Variants in EPB41L4A observed in about 807,000 individuals in gnomAD.
EPB41L4A encodes band 4.1-like protein 4A.
Under a neutral mutation model 108.6 loss-of-function variants are expected in EPB41L4A, and 100 were observed. The observed-to-expected ratio is 0.92, with a 90% CI of 0.78 to 1.09. The LOEUF is 1.09. Ranked by LOEUF, EPB41L4A falls within the 50% of genes least tolerant of loss-of-function variation. EPB41L4A has a pLI of 0.00. For missense variants in EPB41L4A, 1,030 were observed against 842.7 expected (o/e 1.22, Z -2.75); for synonymous variants, 319 against 289.0 (o/e 1.10, Z -1.05).
At chr5:112,286,841 T>C (rs1403944632) in intron 2 of EPB41L4A, among the ~76,000 whole-genome samples, 1 of 151,664 alleles carries the variant, frequency 6.6e-6, no homozygotes, top group Non-Finnish European at 1.5e-5. Flanking sequence ...TTCACTTCTG[T>C]GCTTTGAAAT....
downstream of EPB41L4A, chr5:112,158,270 G>A (rs1422777110): frequency 6.2e-6 from 1 of 162,234 alleles, no homozygotes; most frequent in African/African-American, 2.4e-5. Flanking sequence ...AGGGGTAAAA[G>A]AGAGGAAATG....
At chr5:112,232,554 C>A (rs928265770) in intron 12 of EPB41L4A, among the ~76,000 whole-genome samples, 1 of 152,148 alleles carries the variant, frequency 6.6e-6, no homozygotes, top group Admixed American at 6.5e-5. Context: ...CTTAATTTGA[C>A]TTTAGAAGCA....
Position 112,278,543 on chromosome 5 carries a change from C to T in EPB41L4A, c.256+1729G>A, listed in dbSNP as rs570572103. Among the ~76,000 whole-genome samples the T allele has an allele frequency of 3.9e-5, 6 of 151,948 alleles. No homozygotes were observed. In the East Asian group the frequency reaches 5.8e-4, roughly 15 times the overall value. The stretch of plus-strand genomic sequence containing the variant: ...CTGGGATTACAGGCATAAGACACCA[C>T]GAGTCTTATGCAAATTTTTAATATT... On this transcript the variant is annotated intron_variant, in intron 3 of 22. Coordinates refer to ENST00000261486, the MANE Select transcript of EPB41L4A (RefSeq NM_022140.5).
chr5:112,268,507 C>T (rs1228307718), intron 4 of EPB41L4A, among the ~76,000 whole-genome samples: 1 of 152,074 alleles, frequency 6.6e-6, no homozygotes, highest in Non-Finnish European at 1.5e-5. Flanking sequence ...AATTTCTTTT[C>T]CTGAAGTGTA....
chr5:112,183,418 T>G (rs537051868), intron 18 of EPB41L4A: 5 of 152,870 alleles, frequency 3.3e-5, no homozygotes, highest in Admixed American at 2.6e-4. Context: ...CGTCTAAATC[T>G]TGATAATGCA....
intron 1 of EPB41L4A, among the ~76,000 whole-genome samples, chr5:112,401,505 G>T (rs1438490550): frequency 2.0e-5 from 3 of 152,128 alleles, no homozygotes; most frequent in African/African-American, 7.2e-5. Flanking sequence ...AAAAATACCA[G>T]AATCATGTGA....
chr5:112,385,506 T>G (rs1048867361), intron 1 of EPB41L4A, among the ~76,000 whole-genome samples: 6 of 106,402 alleles, frequency 5.6e-5, no homozygotes, highest in African/African-American at 8.5e-5. Flanking sequence ...CTGGTTATTT[T>G]CAAAAAAAAA....
At chr5:112,293,986 T>C (rs576892235) in intron 2 of EPB41L4A, among the ~76,000 whole-genome samples, 40 of 152,348 alleles carry the variant, frequency 2.6e-4, no homozygotes, top group Admixed American at 1.9e-3. Context: ...GGATCCACCA[T>C]CATACAGTTA....
upstream of EPB41L4A, chr5:112,419,375 A>G (rs1762940252): frequency 2.8e-6 from 1 of 360,042 alleles, no homozygotes; most frequent in Admixed American, 4.0e-5. Flanking sequence ...GGGGACGACA[A>G]AAGTCTCCTG....
At chr5:112,292,551 C>T (rs1051206006) in intron 2 of EPB41L4A, among the ~76,000 whole-genome samples, 1 of 152,158 alleles carries the variant, frequency 6.6e-6, no homozygotes, top group Admixed American at 6.5e-5. Context: ...CCAAGAACAT[C>T]TCTCTTATTG....
chr5:112,197,631 C>G (rs1012323550), intron 15 of EPB41L4A, among the ~76,000 whole-genome samples: 11 of 152,144 alleles, frequency 7.2e-5, no homozygotes, highest in Admixed American at 2.6e-4. Context: ...TCTGAGAGAA[C>G]AGCAAAACTC....
At chr5:112,218,880 GAA>G (rs1398792145) in intron 12 of EPB41L4A, among the ~76,000 whole-genome samples, 1 of 152,054 alleles carries the variant, frequency 6.6e-6, no homozygotes, top group Non-Finnish European at 1.5e-5. Flanking sequence ...AATTTTTCAT[GAA>G]AAGTTTAAAT....
chr5:112,310,604 A>C (rs1754985535), intron 1 of EPB41L4A, among the ~76,000 whole-genome samples: 1 of 152,200 alleles, frequency 6.6e-6, no homozygotes, highest in South Asian at 2.1e-4. Context: ...ATCAATGACT[A>C]ACAGTTTTAT....
intron 1 of EPB41L4A, among the ~76,000 whole-genome samples, chr5:112,333,068 A>G (rs1188667078): frequency 6.6e-6 from 1 of 152,212 alleles, no homozygotes; most frequent in African/African-American, 2.4e-5. Context: ...AAATGTGAAG[A>G]TACTGCAATC....
intron 1 of EPB41L4A, among the ~76,000 whole-genome samples, chr5:112,401,019 A>T (rs1351405956): frequency 1.3e-5 from 2 of 152,186 alleles, no homozygotes; most frequent in Non-Finnish European, 2.9e-5. Context: ...AGTCATTAAA[A>T]AATCAAAATA....
intron 9 of EPB41L4A, among the ~76,000 whole-genome samples, chr5:112,243,218 AAT>A (rs1045029867): frequency 8.4e-5 from 12 of 142,350 alleles, no homozygotes; most frequent in Admixed American, 6.8e-5. Flanking sequence ...CTGTCTCGAA[AAT>A]ATATATATAT....
At chr5:112,310,425 T>C (rs1754973253) in intron 1 of EPB41L4A, among the ~76,000 whole-genome samples, 2 of 152,326 alleles carry the variant, frequency 1.3e-5, no homozygotes, top group East Asian at 1.9e-4. Context: ...AAAGAATAAC[T>C]AGTAGTTTTG....
At chr5:112,215,149 A>C (rs183201222) in intron 12 of EPB41L4A, among the ~76,000 whole-genome samples, 2 of 152,310 alleles carry the variant, frequency 1.3e-5, no homozygotes, top group Admixed American at 6.5e-5. Flanking sequence ...TCTTTATTTA[A>C]TAAGTGTCAA....
intron 18 of EPB41L4A, among the ~76,000 whole-genome samples, chr5:112,172,081 A>AG (rs1024403315): frequency 3.9e-5 from 6 of 152,170 alleles, no homozygotes; most frequent in Non-Finnish European, 7.3e-5. Context: ...TCCTTTGTGC[A>AG]GGGGGAAAAA....
Sources: gnomAD v4.1 joint callset for allele counts (sites outside exome capture counted in the v4.1 genomes callset) on GRCh38, gnomAD v4.1.1 for gene constraint, MANE v1.5 for transcripts, NCBI Gene and HGNC (gene_info 2026-07-23, HGNC 2026-07-21) for gene names.